The following DMD variants were observed in gnomAD, a reference collection of about 807,000 sequenced individuals.
The protein encoded by DMD is mutant dystrophin.
DMD carries 63 observed loss-of-function variants against 330.1 expected under a neutral mutation model. The observed-to-expected ratio is 0.19, with a 90% CI of 0.16 to 0.24. The LOEUF (loss-of-function observed/expected upper bound fraction) is 0.24. DMD is among the 10% of genes least tolerant of loss of function. The pLI is 1.00. For missense variants in DMD, 3,344 were observed against 2,684.1 expected (o/e 1.25, Z -5.43); for synonymous variants, 1,223 against 959.8 (o/e 1.27, Z -5.07).
intron 4 of DMD, among the ~76,000 whole-genome samples, chrX:32,824,043 G>C (rs753348770): frequency 8.9e-6 from 1 of 111,915 alleles, no homozygotes; most frequent in Non-Finnish European, 1.9e-5. Context: ...AATGCAAATT[G>C]TAACCACAAT....
chrX:32,971,215 G>A (rs1414662561), intron 2 of DMD, among the ~76,000 whole-genome samples: 5 of 111,315 alleles, frequency 4.5e-5, no homozygotes, highest in Non-Finnish European at 9.4e-5. Flanking sequence ...GCTTGCCTTG[G>A]CCTCCCAAAG....
At chrX:31,223,254 G>C in intron 63 of DMD, 133 bp from the exon 64 acceptor site, 1 of 566,511 alleles carries the variant, frequency 1.8e-6, no homozygotes, top group South Asian at 2.6e-5. Context: ...GTGTGTATAC[G>C]CCAAGCTTTC....
chrX:32,592,879 CAGCAGA>C (rs1284305132), intron 13 of DMD, among the ~76,000 whole-genome samples: 1 of 112,678 alleles, frequency 8.9e-6, no homozygotes, highest in Admixed American at 9.3e-5. Flanking sequence ...TTGGTGCCTG[CAGCAGA>C]AGCTACTTGT....
chrX:33,008,735 T>A (rs1311892937), intron 2 of DMD, among the ~76,000 whole-genome samples: 4 of 95,237 alleles, frequency 4.2e-5, no homozygotes, highest in Admixed American at 2.3e-4. Flanking sequence ...TTGTTAAAAA[T>A]ATATATATAC....
chrX:31,429,777 C>A (rs1421473905), intron 60 of DMD, among the ~76,000 whole-genome samples: 1 of 110,622 alleles, frequency 9.0e-6, no homozygotes, highest in East Asian at 2.8e-4. Context: ...CCTAGAAGAG[C>A]TATCATAAAA....
chrX:31,432,935 T>C (rs901312902), intron 60 of DMD, among the ~76,000 whole-genome samples: 3 of 112,325 alleles, frequency 2.7e-5, no homozygotes, highest in Non-Finnish European at 5.6e-5. Flanking sequence ...AAGGGGTACA[T>C]GTGCAGGTTT....
chrX:33,222,488 C>T (rs151053299), intron 1 of DMD, among the ~76,000 whole-genome samples: 1,374 of 112,193 alleles, frequency 0.012, 23 homozygotes, highest in African/African-American at 0.042. Flanking sequence ...GTGAACAAGG[C>T]GTGAATGCAC....
At chrX:31,324,919 G>A (rs921269986) in intron 61 of DMD, among the ~76,000 whole-genome samples, 1 of 112,187 alleles carries the variant, frequency 8.9e-6, no homozygotes, top group East Asian at 2.8e-4. Flanking sequence ...CAGCTTCTTT[G>A]TTTTATATAG....
chrX:32,573,610 T>C lies in DMD; in HGVS notation c.1732A>G (p.Lys578Glu). The change falls in exon 15 of 79, where the codon AAA (lysine) becomes GAA (glutamate). Residue 578 changes from lysine (K) to glutamate (E), a missense_variant. Coordinates refer to ENST00000357033, the MANE Select transcript of DMD (RefSeq NM_004006.3). ...TGAATCTTGTTCACTGCATCTTCTTTTTCTGAAAGCCATGCACTAAAAAGG... is the reference window on the plus strand; with the variant it reads ...TGAATCTTGTTCACTGCATCTTCTTCTTCTGAAAGCCATGCACTAAAAAGG... The part of the protein sequence containing the change: ...QCLFSAWLSE[K>E]EDAVNKIHTT... 1 of 1,211,448 alleles carries C rather than the reference T, an allele frequency of 8.3e-7. No homozygotes were observed. Among genetic ancestry groups the C allele is most frequent in the Non-Finnish European group, 1.1e-6 (1 of 895,076 alleles).
Position 32,504,984 on chromosome X carries a change from T to C in DMD, c.2293-3142A>G, listed in dbSNP as rs936447067. Among the ~76,000 whole-genome samples, 45 of 112,345 alleles carry C rather than the reference T, an allele frequency of 4.0e-4. No individual in the cohort carries two copies. The Admixed American group carries it at 4.1e-3, about 10-fold the overall frequency. Reference sequence around the variant, plus strand: ...AATTTGTGTAACTGCTTGAAAGTAATTGTGGTGTTCATATAATTCATAAAG... The same window carrying C: ...AATTTGTGTAACTGCTTGAAAGTAACTGTGGTGTTCATATAATTCATAAAG... On this transcript the variant is annotated intron_variant, in intron 18 of 78. Coordinates refer to ENST00000357033, the MANE Select transcript of DMD (RefSeq NM_004006.3).
intron 7 of DMD, among the ~76,000 whole-genome samples, chrX:32,701,242 T>C (rs2064104014): frequency 8.9e-6 from 1 of 111,865 alleles, no homozygotes; most frequent in African/African-American, 3.2e-5. Flanking sequence ...TTACATCATC[T>C]CCCGTTTTAT....
chrX:31,352,061 T>C (rs1369549722), intron 60 of DMD, among the ~76,000 whole-genome samples: 1 of 111,527 alleles, frequency 9.0e-6, no homozygotes, highest in East Asian at 2.8e-4. Context: ...AAGTATTTTA[T>C]AAATATTTAA....
chrX:31,881,661 T>C (rs1184254359), intron 47 of DMD, among the ~76,000 whole-genome samples: 1 of 111,953 alleles, frequency 8.9e-6, no homozygotes, highest in Non-Finnish European at 1.9e-5. Context: ...TACACAAATA[T>C]TGTTGTGTGA....
intron 44 of DMD, among the ~76,000 whole-genome samples, chrX:32,067,596 G>T (rs901092001): frequency 9.0e-6 from 1 of 111,107 alleles, no homozygotes; most frequent in Non-Finnish European, 1.9e-5. Flanking sequence ...TCATAACTGA[G>T]TACATATAGT....
chrX:32,587,700 G>T lies in DMD; in HGVS notation c.1602+8057C>A, dbSNP rs757854757. ...ATGTCACCTCTTTTAAAACATACTT[G>T]AACATGAGATTCCAGTTTGTGTTAA... On this transcript the variant is annotated intron_variant, in intron 13 of 78. Transcript: ENST00000357033. Among the ~76,000 whole-genome samples, 6 of 110,948 alleles carry T rather than the reference G, an allele frequency of 5.4e-5. No individual in the cohort carries two copies. In the East Asian group the frequency reaches 1.7e-3, roughly 31 times the overall value.
chrX:32,815,430 C>T (rs954472168), intron 6 of DMD, among the ~76,000 whole-genome samples: 3 of 101,602 alleles, frequency 3.0e-5, no homozygotes, highest in African/African-American at 1.1e-4. Context: ...GTAAATGAAA[C>T]GGGTAACAGG....
intron 53 of DMD, among the ~76,000 whole-genome samples, chrX:31,676,881 CATCA>C (rs2082108868): frequency 8.9e-6 from 1 of 112,181 alleles, no homozygotes; most frequent in Non-Finnish European, 1.9e-5. Flanking sequence ...TTTTAGCATA[CATCA>C]TTCAAGAAAT....
At chrX:32,983,578 T>C (rs1268557377) in intron 2 of DMD, among the ~76,000 whole-genome samples, 9 of 84,812 alleles carry the variant, frequency 1.1e-4, no homozygotes, top group African/African-American at 4.3e-4. Flanking sequence ...CACACACATA[T>C]AGGAACACCG....
chrX:32,632,863 G>A (rs902072628), intron 11 of DMD, among the ~76,000 whole-genome samples: 2 of 112,573 alleles, frequency 1.8e-5, no homozygotes. Flanking sequence ...CTGCCTTTTA[G>A]ATCTCTGAAA....
Sources: allele counts gnomAD v4.1 joint callset (sites outside exome capture counted in the v4.1 genomes callset), GRCh38; gene constraint gnomAD v4.1.1; transcripts MANE v1.5; gene names NCBI Gene and HGNC (gene_info 2026-07-23, HGNC 2026-07-21).